PCDHGA3: variants seen among roughly 807,000 people sequenced by gnomAD.
PCDHGA3 encodes protocadherin gamma-A3.
In PCDHGA3, 40 loss-of-function variants were observed where a neutral mutation model predicts 58.5. The observed-to-expected ratio is 0.68, with a 90% CI of 0.53 to 0.89. The LOEUF is 0.89. PCDHGA3 is among the 40% of genes least tolerant of loss of function. PCDHGA3 has a pLI of 0.00. For synonymous variants in PCDHGA3, 530 were observed against 525.7 expected (o/e 1.01, Z -0.11); for missense variants, 1,223 against 1,195.9 (o/e 1.02, Z -0.33).
chr5:141,398,345 C>T (rs1442407908), intron 1 of PCDHGA3: 29 of 1,379,896 alleles, frequency 2.1e-5, no homozygotes, highest in Non-Finnish European at 2.8e-5. Context: ...TCGGAGAAGC[C>T]TTACTTCACC....
At chr5:141,481,346 C>T (rs2099536003) in intron 1 of PCDHGA3, among the ~76,000 whole-genome samples, 1 of 152,248 alleles carries the variant, frequency 6.6e-6, no homozygotes, top group Non-Finnish European at 1.5e-5. Context: ...ATTATTTAAA[C>T]ATCTACAGCT....
intron 1 of PCDHGA3, chr5:141,362,219 C>A (rs368538544): frequency 6.2e-7 from 1 of 1,614,034 alleles, no homozygotes; most frequent in Non-Finnish European, 8.5e-7. Context: ...CTGGTTGTGG[C>A]CTTGGCCTTG....
chr5:141,385,171 T>C, intron 1 of PCDHGA3: 1 of 1,614,170 alleles, frequency 6.2e-7, no homozygotes, highest in South Asian at 1.1e-5. Context: ...CCATGAGGTC[T>C]CCCTCACCGC....
chr5:141,385,672 C>A, intron 1 of PCDHGA3: 2 of 389,948 alleles, frequency 5.1e-6, no homozygotes, highest in Non-Finnish European at 7.4e-6. Flanking sequence ...ATAAAACACA[C>A]CTCAGCTGTC....
chr5:141,384,384 C>A (rs142665639), intron 1 of PCDHGA3: 102 of 1,613,934 alleles, frequency 6.3e-5, no homozygotes, highest in Non-Finnish European at 8.3e-5. Context: ...CCGAAGACAC[C>A]ATCCAGGGGG....
chr5:141,414,995 G>C (rs1431326081), intron 1 of PCDHGA3: 14 of 1,613,640 alleles, frequency 8.7e-6, no homozygotes, highest in Non-Finnish European at 1.2e-5. Context: ...CAGAACGCCT[G>C]GCTGTCCTAC....
intron 1 of PCDHGA3, chr5:141,428,018 C>T (rs771831423): frequency 1.9e-6 from 3 of 1,604,570 alleles, no homozygotes; most frequent in Non-Finnish European, 2.6e-6. Flanking sequence ...TAGTGCCACG[C>T]GCCGCAGAGT....
intron 1 of PCDHGA3, among the ~76,000 whole-genome samples, chr5:141,381,060 A>G (rs1776965046): frequency 6.6e-6 from 1 of 152,246 alleles, no homozygotes; most frequent in South Asian, 2.1e-4. Flanking sequence ...GTGAATGCAA[A>G]GATAACTATG....
At chr5:141,384,974 AC>A (rs1780722542) in intron 1 of PCDHGA3, 1 of 1,613,712 alleles carries the variant, frequency 6.2e-7, no homozygotes, top group Non-Finnish European at 8.5e-7. Context: ...CTCACGTTGT[AC>A]CTGGTGGTGG....
rs567522277 is a variant in PCDHGA3, at chr5:141,485,131, A to G, written c.2425-9676A>G. 1.3e-6 allele frequency: 2 copies of G among 1,482,660 alleles called. No individual in the cohort carries two copies. The highest frequency in any genetic ancestry group is 1.2e-5 in the South Asian group (1 of 83,730). 91.8% of individuals were successfully genotyped at this position (1,482,660 alleles called of 1,614,324 possible). ...TGGCTGTTTGGGGCGGGTCGGCTTC[A>G]TCCGCGTCTCAGGAGCAAGTAGAGA... On this transcript the variant is annotated intron_variant, in intron 1 of 3. Transcript: ENST00000253812. The surrounding 1 kb of genome is among the most constrained non-coding windows in gnomAD (Gnocchi z 5.7).
intron 1 of PCDHGA3, among the ~76,000 whole-genome samples, chr5:141,368,493 C>G (rs1765685117): frequency 1.3e-5 from 2 of 152,068 alleles, no homozygotes; most frequent in South Asian, 4.1e-4. Flanking sequence ...AGAATCTATA[C>G]AGTAGGTGTC....
At chr5:141,391,561 G>A (rs2092390304) in intron 1 of PCDHGA3, 1 of 152,026 alleles carries the variant, frequency 6.6e-6, no homozygotes, top group Non-Finnish European at 1.5e-5. Context: ...TTTTCCATAT[G>A]CATAAGAAAA....
At chr5:141,374,199 T>C in intron 1 of PCDHGA3, 2 of 1,613,856 alleles carry the variant, frequency 1.2e-6, no homozygotes, top group Non-Finnish European at 1.7e-6. Flanking sequence ...CCCGAGGAGC[T>C]GGAGAAAGGC....
At position 141,485,930 on chromosome 5, in the gene PCDHGA3, G is replaced by C; in HGVS notation, c.2425-8877G>C. ...ATCCAGCTACAGGATTAGTGTGTTGGAGAGCGCACCAGCGGGCATGGTGCT... is the reference window on the plus strand; with the variant it reads ...ATCCAGCTACAGGATTAGTGTGTTGCAGAGCGCACCAGCGGGCATGGTGCT... On this transcript the variant is annotated intron_variant, in intron 1 of 3. Coordinates refer to ENST00000253812, the MANE Select transcript of PCDHGA3 (RefSeq NM_018916.4). The surrounding 1 kb of genome is among the most constrained non-coding windows in gnomAD (Gnocchi z 5.7). 6.2e-7 allele frequency: 1 copy of C among 1,614,178 alleles called. No homozygotes were observed. The highest frequency in any genetic ancestry group is 8.5e-7 in the Non-Finnish European group (1 of 1,180,042).
At chr5:141,503,607 A>G (rs141670522) in intron 2 of PCDHGA3, among the ~76,000 whole-genome samples, 63 of 151,996 alleles carry the variant, frequency 4.1e-4, no homozygotes, top group African/African-American at 1.4e-3. Flanking sequence ...TCAAAAAAAA[A>G]AAAAAAAGAA....
At chr5:141,478,804 G>C (rs765938054) in intron 1 of PCDHGA3, 48 of 1,462,396 alleles carry the variant, frequency 3.3e-5, no homozygotes, top group Non-Finnish European at 4.1e-5. Context: ...GCACTCTTTT[G>C]CTATCACAAC....
intron 1 of PCDHGA3, chr5:141,411,384 A>G (rs1280664726): frequency 6.6e-6 from 1 of 152,092 alleles, no homozygotes; most frequent in Non-Finnish European, 1.5e-5. Context: ...AGCCTGGGCA[A>G]TATAGGGAGA....
intron 1 of PCDHGA3, among the ~76,000 whole-genome samples, chr5:141,450,379 A>C (rs1269979263): frequency 6.6e-6 from 1 of 152,144 alleles, no homozygotes; most frequent in Non-Finnish European, 1.5e-5. Flanking sequence ...GTTTATATGA[A>C]ACTGACATTT....
At chr5:141,414,083 G>C (rs964114178) in intron 1 of PCDHGA3, 1 of 1,601,124 alleles carries the variant, frequency 6.2e-7, no homozygotes, top group Non-Finnish European at 8.5e-7. Context: ...AAATATACTG[G>C]AGAAATAAAA....
Sources: gnomAD v4.1 joint callset for allele counts (sites outside exome capture counted in the v4.1 genomes callset) on GRCh38, gnomAD v4.1.1 for gene constraint, Gnocchi (gnomAD v3.1) non-coding constraint, MANE v1.5 for transcripts, NCBI Gene and HGNC (gene_info 2026-07-23, HGNC 2026-07-21) for gene names.